Variants in ZNF556 observed in about 807,000 individuals in gnomAD.
ZNF556 encodes the protein zinc finger protein 556.
In ZNF556, 11 loss-of-function variants were observed where a neutral mutation model predicts 13.6. The ratio of observed to expected loss-of-function variants is 0.81; its 90% CI spans 0.51 to 1.33. The LOEUF (loss-of-function observed/expected upper bound fraction) is 1.33, where lower values mean the gene tolerates loss of function less well. Among genes scored for constraint, ZNF556 ranks in the 40% most tolerant of loss-of-function variants. The probability of loss-of-function intolerance (pLI) is 0.00; values close to 1 mark genes in which losing one functional copy is unlikely to be tolerated. For missense variants in ZNF556, 633 were observed against 566.2 expected (o/e 1.12, Z -1.20); for synonymous variants, 229 against 207.8 (o/e 1.10, Z -0.88).
At chr19:2,874,758 A>AAAAAAAAGAAAG (rs1555725942) in intron 2 of ZNF556, among the ~76,000 whole-genome samples, 1 of 130,736 alleles carries the variant, frequency 7.6e-6, no homozygotes, top group Non-Finnish European at 1.6e-5. Context: ...AAAAAAAAAA[A>AAAAAAAAGAAAG]AAAGAAAGAA....
Position 2,878,231 on chromosome 19 carries a change from A to G in ZNF556, c.1273A>G (p.Ser425Gly). 2 of 1,614,168 alleles carry G rather than the reference A, an allele frequency of 1.2e-6. No individual in the cohort carries two copies. The highest frequency in any genetic ancestry group is 1.1e-5 in the South Asian group (1 of 91,084). Residue 425 changes from serine (S) to glycine (G), a missense_variant, in exon 4 of 4, where the codon AGT (serine) becomes GGT (glycine). Transcript: ENST00000307635. ...AAGAACGCAGATTGGACAGAAGCCCAGTAAATGCGAAAAATGTGGGAAAGC... is the reference window on the plus strand; with the variant it reads ...AAGAACGCAGATTGGACAGAAGCCCGGTAAATGCGAAAAATGTGGGAAAGC... Reference protein sequence around the residue: ...NVRTQIGQKPSKCEKCGKAFS... With the variant: ...NVRTQIGQKPGKCEKCGKAFS...
At position 2,877,042 on chromosome 19, in the gene ZNF556, G is replaced by C. The variant is rs148053822; in HGVS notation, c.315-231G>C. ...AGCCTGACCAATATGGTGAAACCCTGTCTCTACCAAAAATACAAAAATTAG... is the reference window on the plus strand; with the variant it reads ...AGCCTGACCAATATGGTGAAACCCTCTCTCTACCAAAAATACAAAAATTAG... On this transcript the variant is annotated intron_variant, in intron 3 of 3. Coordinates refer to ENST00000307635, the MANE Select transcript of ZNF556 (RefSeq NM_024967.3). Among the ~76,000 whole-genome samples, 1,480 of 151,986 alleles carry C rather than the reference G, an allele frequency of 9.7e-3. 26 individuals are homozygous for C. Among genetic ancestry groups the C allele is most frequent in the South Asian group, 0.05 (241 of 4,804 alleles).
intron 2 of ZNF556, among the ~76,000 whole-genome samples, chr19:2,875,878 C>T (rs1185077207): frequency 4.6e-5 from 7 of 152,058 alleles, no homozygotes; most frequent in African/African-American, 1.7e-4. Context: ...ACAGGAGAAT[C>T]GCTTGAACCC....
rs34236992 is a variant in ZNF556, at chr19:2,880,872, C to CTTTTT, written c.*2553_*2557dup. The stretch of plus-strand genomic sequence containing the variant: ...CTGTTATAATTTTGTCTAAGAAATT[C>CTTTTT]TTTTTTTTTTTTTTGAGACAGATTC... On this transcript the variant is annotated 3_prime_UTR_variant, in exon 4 of 4. Coordinates refer to ENST00000307635, the MANE Select transcript of ZNF556 (RefSeq NM_024967.3). The CTTTTT allele has an allele frequency of 7.1e-6, 1 of 140,454 alleles. No individual in the cohort carries two copies. The highest frequency in any genetic ancestry group is 2.6e-5 in the African/African-American group (1 of 37,832). 8.7% of individuals were successfully genotyped at this position (140,454 alleles called of 1,614,324 possible).
intron 1 of ZNF556, among the ~76,000 whole-genome samples, chr19:2,870,705 C>A (rs2087795485): frequency 6.7e-6 from 1 of 149,650 alleles, no homozygotes; most frequent in African/African-American, 2.5e-5. Flanking sequence ...CGAGATCATG[C>A]CATTGCACTC....
At position 2,877,315 on chromosome 19, in the gene ZNF556, T is replaced by C. The variant is rs1295978872; in HGVS notation, c.357T>C (p.Gly119=). ...AGAGACCATGTAAAAGCAGTAAAGG[T>C]AATAAACGTGGAAGAACCTTCAGAA... ...RVERPCKSSK[G]NKRGRTFRKT... Residue 119 remains glycine, a synonymous_variant, in exon 4 of 4, where the codon GGT becomes GGC. Coordinates refer to ENST00000307635, the MANE Select transcript of ZNF556 (RefSeq NM_024967.3). The C allele has an allele frequency of 6.2e-7, 1 of 1,613,758 alleles. No individual in the cohort carries two copies. Among genetic ancestry groups the C allele is most frequent in the Non-Finnish European group, 8.5e-7 (1 of 1,179,916 alleles).
chr19:2,877,633 C>T lies in ZNF556; in HGVS notation c.675C>T (p.His225=), dbSNP rs374848988. Residue 225 remains histidine (H), a synonymous_variant, in exon 4 of 4, where the codon CAC becomes CAT. Coordinates refer to ENST00000307635, the MANE Select transcript of ZNF556 (RefSeq NM_024967.3). ...SHSLTEHVRT[H]TGEKPYECGQ... is the part of the protein sequence containing the mutation. ...CTCTCACTGAACATGTAAGGACTCA[C>T]ACTGGAGAGAAACCCTACGAATGTG... 1.2e-4 allele frequency: 199 copies of T among 1,614,104 alleles called. No homozygotes were observed. Among genetic ancestry groups the T allele is most frequent in the Non-Finnish European group, 1.5e-4 (180 of 1,180,042 alleles).
Position 2,882,864 on chromosome 19 carries a change from G to C in ZNF556, c.*4535G>C, listed in dbSNP as rs1229611948. ...CCACCGCACCAGGCCCATGTCATAT[G>C]TTTTTATGAGTTTGGACATTGGCAT... On this transcript the variant is annotated 3_prime_UTR_variant, in exon 4 of 4. Coordinates refer to ENST00000307635, the MANE Select transcript of ZNF556 (RefSeq NM_024967.3). The C allele has an allele frequency of 1.3e-5, 2 of 152,276 alleles. No homozygotes were observed. Among genetic ancestry groups the C allele is most frequent in the East Asian group, 3.9e-4 (2 of 5,188 alleles). The allele number at this position is 152,276 out of a possible 1,614,324, so 9.4% of individuals were successfully genotyped here. A position where few individuals can be genotyped will look rare whatever the true frequency, so the allele number is the denominator to read the frequency against.
At chr19:2,869,646 C>T (rs1472692881) in intron 1 of ZNF556, among the ~76,000 whole-genome samples, 8 of 152,136 alleles carry the variant, frequency 5.3e-5, no homozygotes, top group African/African-American at 1.7e-4. Flanking sequence ...GATTAACAGG[C>T]GTGAGCCACC....
At position 2,876,379 on chromosome 19, in the gene ZNF556, G is replaced by A. The variant is rs79026715; in HGVS notation, c.314+103G>A. The A allele has an allele frequency of 1.8e-3, 2,190 of 1,220,156 alleles. 29 individuals are homozygous for A. In the African/African-American group the frequency reaches 0.03, roughly 17 times the overall value. The allele number at this position is 1,220,156 out of a possible 1,614,324, so 75.6% of individuals were successfully genotyped here. On this transcript the variant is annotated intron_variant, in intron 3 of 3. Coordinates refer to ENST00000307635, the MANE Select transcript of ZNF556 (RefSeq NM_024967.3). ...CCAAGGGAGGCGGATCACCTGGGGT[G>A]AGGAGTTTGTGACCAGCCTGACCCA...
At chr19:2,869,523 C>T (rs1331918214) in intron 1 of ZNF556, among the ~76,000 whole-genome samples, 4 of 152,196 alleles carry the variant, frequency 2.6e-5, no homozygotes, top group South Asian at 4.1e-4. Context: ...CCCTCCACCA[C>T]GCCTGGCTAA....
Position 2,873,507 on chromosome 19 carries a change from C to T in ZNF556, c.15C>T (p.Val5=), listed in dbSNP as rs769940265. 6.2e-6 allele frequency: 10 copies of T among 1,614,058 alleles called. No individual in the cohort carries two copies. The highest frequency in any genetic ancestry group is 2.2e-5 in the South Asian group (2 of 91,066). The change falls in exon 2 of 4, where the codon GTC becomes GTT. Residue 5 remains valine (V), a synonymous_variant. Transcript: ENST00000307635. ...GTGGTTTGTTTTAGGACACAGTGGT[C>T]TTTGAAGACGTGGTTGTGGATTTCA... The part of the protein sequence containing the change: MDTV[V]FEDVVVDFTL...
Position 2,876,190 on chromosome 19 carries a change from A to G in ZNF556, c.228A>G (p.Arg76=), listed in dbSNP as rs772243742. 2 of 1,612,510 alleles carry G rather than the reference A, an allele frequency of 1.2e-6. No homozygotes were observed. Among genetic ancestry groups the G allele is most frequent in the Admixed American group, 1.7e-5 (1 of 59,682 alleles). The change falls in exon 3 of 4, where the codon AGA becomes AGG. Residue 76 remains arginine, a synonymous_variant. Transcript: ENST00000307635. ...SLKQKIEKFT[R]KNIWASLLGK... ...AACAGAAAATAGAAAAGTTCACAAG[A>G]AAGAATATATGGGCCTCCCTTTTAG...
chr19:2,877,680 G>C lies in ZNF556; in HGVS notation c.722G>C (p.Ser241Thr), dbSNP rs370111100. The C allele has an allele frequency of 3.7e-6, 6 of 1,614,096 alleles. No individual in the cohort carries two copies. The East Asian group carries it at 8.9e-5, about 24-fold the overall frequency. ...TGTGGGCAGTGTGGGAAAGGCTTCA[G>C]TTGTCCCAAATCCTTTCGCGCACAT... ...YECGQCGKGF[S>T]CPKSFRAHVM... The change falls in exon 4 of 4, where the codon AGT becomes ACT. Residue 241 changes from serine to threonine, a missense_variant. Ser to Thr is a moderately conservative substitution (Grantham distance 58). Coordinates refer to ENST00000307635, the MANE Select transcript of ZNF556 (RefSeq NM_024967.3).
Position 2,878,625 on chromosome 19 carries a change from G to A in ZNF556, c.*296G>A, listed in dbSNP as rs191722012. 3.1e-3 allele frequency: 806 copies of A among 257,770 alleles called. 3 individuals carry two copies. Among genetic ancestry groups the A allele is most frequent in the South Asian group, 0.013 (266 of 20,716 alleles). 16.0% of individuals were successfully genotyped at this position (257,770 alleles called of 1,614,324 possible). On this transcript the variant is annotated 3_prime_UTR_variant, in exon 4 of 4. Coordinates refer to ENST00000307635, the MANE Select transcript of ZNF556 (RefSeq NM_024967.3). ...CGGGAGGCGGAGCTTGCAGTGAGCC[G>A]AGATGGCACCACTGCACTCCAGCCT...
chr19:2,881,697 C>T lies in ZNF556; in HGVS notation c.*3368C>T, dbSNP rs1400231931. ...GGATCGGGCTTCAGTAAGTGACAAT[C>T]TCATCATGAATTCATTTATAGTTCC... On this transcript the variant is annotated 3_prime_UTR_variant, in exon 4 of 4. Coordinates refer to ENST00000307635, the MANE Select transcript of ZNF556 (RefSeq NM_024967.3). 4 of 151,968 alleles carry T rather than the reference C, an allele frequency of 2.6e-5. No individual in the cohort carries two copies. Among genetic ancestry groups the T allele is most frequent in the African/African-American group, 9.7e-5 (4 of 41,378 alleles). The allele number at this position is 151,968 out of a possible 1,614,324, so 9.4% of individuals were successfully genotyped here. A position where few individuals can be genotyped will look rare whatever the true frequency, so the allele number is the denominator to read the frequency against.
In ZNF556 at chr19:2,877,881, T is replaced by A. The variant is rs766980655; in HGVS notation, c.923T>A (p.Ile308Asn). Residue 308 changes from isoleucine to asparagine, a missense_variant, in exon 4 of 4, where the codon ATT (isoleucine) becomes AAT (asparagine). Coordinates refer to ENST00000307635, the MANE Select transcript of ZNF556 (RefSeq NM_024967.3). ...WATSFQRHVR[I>N]HNGEKPYKCG... Reference sequence around the variant, plus strand: ...ACATCCTTTCAACGACACGTGAGAATTCACAACGGGGAGAAACCCTATAAG... The same window carrying A: ...ACATCCTTTCAACGACACGTGAGAAATCACAACGGGGAGAAACCCTATAAG... 6.2e-7 allele frequency: 1 copy of A among 1,614,156 alleles called. No homozygotes were observed.
At chr19:2,870,589 A>T (rs1270183083) in intron 1 of ZNF556, among the ~76,000 whole-genome samples, 1 of 151,806 alleles carries the variant, frequency 6.6e-6, no homozygotes, top group Non-Finnish European at 1.5e-5. Context: ...TCTACTAAAA[A>T]TACAAAAATC....
intron 1 of ZNF556, 112 bp downstream of exon 1, chr19:2,867,536 C>T: frequency 3.4e-6 from 5 of 1,478,034 alleles, no homozygotes; most frequent in Non-Finnish European, 4.6e-6. Flanking sequence ...CCCATGCAGC[C>T]TCTGTCCCTG....
Sources: allele counts gnomAD v4.1 joint callset (sites outside exome capture counted in the v4.1 genomes callset), GRCh38; gene constraint gnomAD v4.1.1; transcripts MANE v1.5; gene names NCBI Gene and HGNC (gene_info 2026-07-23, HGNC 2026-07-21).